PLEKHA1: variants seen among roughly 807,000 people sequenced by gnomAD.
PLEKHA1 encodes pleckstrin homology domain-containing family A member 1.
In PLEKHA1, 34 loss-of-function variants were observed where a neutral mutation model predicts 52.0. That is an observed-to-expected ratio of 0.65 (90% CI 0.50 to 0.87). PLEKHA1 has a LOEUF of 0.87. Among genes scored for constraint, PLEKHA1 ranks in the 40% least tolerant of loss-of-function variants. PLEKHA1 has a pLI of 0.00. For missense variants in PLEKHA1, 497 were observed against 504.2 expected (o/e 0.99, Z 0.14); for synonymous variants, 163 against 170.7 (o/e 0.95, Z 0.35).
At chr10:122,438,551 A>C in the PLEKHA1 span, 1 of 152,254 alleles carries the variant, frequency 6.6e-6, no homozygotes, top group Admixed American at 6.5e-5. Context: ...TAGGAAACAA[A>C]ATTCGCAACT....
intron 6 of PLEKHA1, among the ~76,000 whole-genome samples, chr10:122,414,184 T>G (rs1446853036): frequency 6.6e-6 from 1 of 152,114 alleles, no homozygotes; most frequent in Non-Finnish European, 1.5e-5. Flanking sequence ...TAAGCTTCTT[T>G]CACTGGTATT....
intron 5 of PLEKHA1, among the ~76,000 whole-genome samples, chr10:122,411,371 ACTGTAG>A (rs1363989493): frequency 6.6e-6 from 1 of 152,204 alleles, no homozygotes; most frequent in Non-Finnish European, 1.5e-5. Context: ...ATTGGGACTT[ACTGTAG>A]CTCAGCATCC....
chr10:122,413,521 T>C (rs2133082666), intron 6 of PLEKHA1, among the ~76,000 whole-genome samples: 1 of 152,208 alleles, frequency 6.6e-6, no homozygotes, highest in Non-Finnish European at 1.5e-5. Flanking sequence ...AGAAATAAAA[T>C]TGCTGAGTCA....
intron 1 of PLEKHA1, 166 bp downstream of exon 1, chr10:122,374,972 A>C (rs1202665791): frequency 6.6e-6 from 1 of 151,356 alleles, no homozygotes; most frequent in East Asian, 2.0e-4. Context: ...GTGAGTGCGG[A>C]GCCGGCGCCC....
At chr10:122,418,797 G>A (rs2097216459) in intron 8 of PLEKHA1, 2 of 152,174 alleles carry the variant, frequency 1.3e-5, no homozygotes, top group Non-Finnish European at 2.9e-5. Flanking sequence ...TAGTATAAAT[G>A]TCTATCCTAC....
chr10:122,413,391 C>G (rs1034838482), intron 6 of PLEKHA1, among the ~76,000 whole-genome samples: 1 of 151,952 alleles, frequency 6.6e-6, no homozygotes, highest in South Asian at 2.1e-4. Context: ...CATAGTAGTT[C>G]TTCCATGGAT....
At chr10:122,375,388 C>A (rs946105071) in intron 1 of PLEKHA1, among the ~76,000 whole-genome samples, 2 of 152,220 alleles carry the variant, frequency 1.3e-5, no homozygotes, top group Non-Finnish European at 2.9e-5. Context: ...TGAAGTCGGG[C>A]GGTGTCCGCG....
At chr10:122,418,154 A>G (rs2097205451) in intron 8 of PLEKHA1, 186 bp downstream of exon 8, 2 of 471,998 alleles carry the variant, frequency 4.2e-6, no homozygotes, top group Non-Finnish European at 3.7e-6. Flanking sequence ...TTTTTAAGTA[A>G]AAAGATCCTA....
At chr10:122,424,410 C>A in intron 9 of PLEKHA1, 147 bp downstream of exon 9, 2 of 894,904 alleles carry the variant, frequency 2.2e-6, no homozygotes, top group Non-Finnish European at 3.1e-6. Flanking sequence ...CTAGAATTTT[C>A]AAAACCCTCA....
intron 11 of PLEKHA1, chr10:122,428,432 C>T: frequency 7.0e-7 from 1 of 1,435,060 alleles, no homozygotes; most frequent in Non-Finnish European, 9.2e-7. Context: ...TTGAGTTAAC[C>T]AAACTGCCTT....
chr10:122,432,409 G>A (rs980181273), downstream of PLEKHA1: 1 of 152,158 alleles, frequency 6.6e-6, no homozygotes, highest in African/African-American at 2.4e-5. Flanking sequence ...ACAATGATTA[G>A]GGGTGTGTTT....
intron 1 of PLEKHA1, among the ~76,000 whole-genome samples, chr10:122,382,178 G>A (rs751510154): frequency 6.6e-6 from 1 of 152,164 alleles, no homozygotes; most frequent in Non-Finnish European, 1.5e-5. Context: ...TAAAATGTAT[G>A]ATTTAGTGCA....
At chr10:122,380,612 C>T (rs749297725) in intron 1 of PLEKHA1, among the ~76,000 whole-genome samples, 1 of 152,040 alleles carries the variant, frequency 6.6e-6, no homozygotes, top group Non-Finnish European at 1.5e-5. Context: ...GCAGACGAGG[C>T]TTAGTGGTCT....
chr10:122,401,779 A>G (rs952568604), intron 4 of PLEKHA1, among the ~76,000 whole-genome samples: 1 of 152,162 alleles, frequency 6.6e-6, no homozygotes, highest in African/African-American at 2.4e-5. Flanking sequence ...AGGAACGAAT[A>G]TTTGGAGTGG....
In PLEKHA1 at chr10:122,393,526, C is replaced by CG. The variant is rs932656695; in HGVS notation, c.141+185_141+186insG. Among the ~76,000 whole-genome samples, 3 of 152,118 alleles carry CG rather than the reference C, an allele frequency of 2.0e-5. No homozygotes were observed. The highest frequency in any genetic ancestry group is 7.2e-5 in the African/African-American group (3 of 41,408). ...TTTGTTTGAATTTCAGAAGGTGAAA[C>CG]TAAGTTTATTTGATAAAAATTAATG... On this transcript the variant is annotated intron_variant, in intron 2 of 11. Transcript: ENST00000368990. This position sits in a 1 kb window ranked among gnomAD's most constrained non-coding sequence, Gnocchi z 4.5.
chr10:122,381,869 C>T (rs981285515), intron 1 of PLEKHA1, among the ~76,000 whole-genome samples: 4 of 152,068 alleles, frequency 2.6e-5, no homozygotes, highest in Admixed American at 6.5e-5. Flanking sequence ...ATAAGTGGAA[C>T]CGTAGAATAG....
At chr10:122,378,863 A>T (rs1477330122) in intron 1 of PLEKHA1, among the ~76,000 whole-genome samples, 1 of 119,478 alleles carries the variant, frequency 8.4e-6, no homozygotes, top group African/African-American at 2.6e-5. Context: ...TGGTCAGGCC[A>T]CTTACTTACT....
chr10:122,414,928 C>T (rs959702717), intron 6 of PLEKHA1, among the ~76,000 whole-genome samples: 1 of 151,766 alleles, frequency 6.6e-6, no homozygotes, highest in East Asian at 1.9e-4. Context: ...CTTGTGATTA[C>T]TGTACAACCC....
chr10:122,405,092 A>G (rs528965301), intron 4 of PLEKHA1, among the ~76,000 whole-genome samples: 1 of 152,324 alleles, frequency 6.6e-6, no homozygotes, highest in Admixed American at 6.5e-5. Flanking sequence ...GTGGACTATG[A>G]TAGTTTATAG....
Sources: allele counts gnomAD v4.1 joint callset (sites outside exome capture counted in the v4.1 genomes callset), GRCh38; gene constraint gnomAD v4.1.1; non-coding constraint Gnocchi (gnomAD v3.1); transcripts MANE v1.5; gene names NCBI Gene and HGNC (gene_info 2026-07-23, HGNC 2026-07-21).